Variants in GRXCR1 observed in about 807,000 individuals in gnomAD.
GRXCR1 encodes the protein glutaredoxin and cysteine rich domain containing 1.
GRXCR1 carries 27 observed loss-of-function variants against 27.3 expected under a neutral mutation model. The observed-to-expected ratio is 0.99, with a 90% CI of 0.73 to 1.37. The LOEUF is 1.37. GRXCR1 is among the 40% of genes most tolerant of loss of function. The pLI, the probability that GRXCR1 is intolerant of heterozygous loss-of-function variation, is 0.00. For missense variants in GRXCR1, 379 were observed against 354.4 expected, an observed-to-expected ratio of 1.07 and a Z score of -0.56; for synonymous variants, 122 against 131.1, an observed-to-expected ratio of 0.93 and a Z score of 0.47.
intron 1 of GRXCR1, among the ~76,000 whole-genome samples, chr4:42,937,523 C>A (rs1033603342): frequency 7.2e-5 from 11 of 151,882 alleles, no homozygotes; most frequent in African/African-American, 2.4e-4. Context: ...TGTGGGTATG[C>A]TATCCTGTGT....
chr4:42,921,364 C>T (rs1162191680), intron 1 of GRXCR1, among the ~76,000 whole-genome samples: 1 of 152,044 alleles, frequency 6.6e-6, no homozygotes, highest in Non-Finnish European at 1.5e-5. Context: ...TATAGCAGCC[C>T]AAGTGGTCTA....
intron 1 of GRXCR1, among the ~76,000 whole-genome samples, chr4:42,952,405 G>A (rs1399915549): frequency 6.6e-6 from 1 of 151,920 alleles, no homozygotes; most frequent in Non-Finnish European, 1.5e-5. Context: ...CCTCGTGAAG[G>A]GGCCTACACA....
intron 2 of GRXCR1, among the ~76,000 whole-genome samples, chr4:42,972,337 T>C (rs1324068065): frequency 2.0e-5 from 3 of 152,174 alleles, no homozygotes; most frequent in Non-Finnish European, 4.4e-5. Flanking sequence ...AAATCTTCTT[T>C]TATTGTTTTG....
Position 42,893,191 on chromosome 4 carries a change from G to A in GRXCR1, c.-76G>A. 6.5e-7 allele frequency: 1 copy of A among 1,541,394 alleles called. No homozygotes were observed. Among genetic ancestry groups the A allele is most frequent in the Non-Finnish European group, 9.0e-7 (1 of 1,115,934 alleles). On this transcript the variant is annotated 5_prime_UTR_variant, in exon 1 of 4. Transcript: ENST00000399770. Reference sequence around the variant, plus strand: ...CATCACTAGAATTGGCTCTGATATTGCTATCTGGCAAGTGGACTAGTGCAG... The same window carrying A: ...CATCACTAGAATTGGCTCTGATATTACTATCTGGCAAGTGGACTAGTGCAG...
chr4:42,932,862 T>C (rs1398352085), intron 1 of GRXCR1, among the ~76,000 whole-genome samples: 1 of 151,574 alleles, frequency 6.6e-6, no homozygotes, highest in Non-Finnish European at 1.5e-5. Context: ...TGGGAGAATG[T>C]ACTCCTCCAT....
chr4:42,968,541 A>G (rs1748302714), intron 2 of GRXCR1, among the ~76,000 whole-genome samples: 1 of 152,090 alleles, frequency 6.6e-6, no homozygotes, highest in Non-Finnish European at 1.5e-5. Context: ...TGCAAAATGT[A>G]CAGAAAAGTG....
intron 1 of GRXCR1, among the ~76,000 whole-genome samples, chr4:42,961,379 T>C (rs988337847): frequency 2.0e-5 from 3 of 151,944 alleles, no homozygotes; most frequent in Non-Finnish European, 4.4e-5. Flanking sequence ...GTCCACATGA[T>C]CTTTAAAAGC....
At chr4:42,988,173 T>A (rs1299310601) in intron 2 of GRXCR1, among the ~76,000 whole-genome samples, 1 of 152,228 alleles carries the variant, frequency 6.6e-6, no homozygotes, top group East Asian at 1.9e-4. Context: ...GCAATGATAC[T>A]TGCTGAGAAT....
chr4:43,019,077 A>G (rs1713020202), intron 2 of GRXCR1, among the ~76,000 whole-genome samples: 1 of 152,196 alleles, frequency 6.6e-6, no homozygotes, highest in South Asian at 2.1e-4. Flanking sequence ...AAATACTCCT[A>G]TACTATAGGA....
At chr4:42,964,549 A>C (rs917615969) in intron 2 of GRXCR1, among the ~76,000 whole-genome samples, 1 of 152,028 alleles carries the variant, frequency 6.6e-6, no homozygotes. Context: ...TGTTTTTAGG[A>C]AATATGAACA....
chr4:42,905,738 G>C (rs1197191377), intron 1 of GRXCR1, among the ~76,000 whole-genome samples: 4 of 152,136 alleles, frequency 2.6e-5, no homozygotes, highest in Non-Finnish European at 5.9e-5. Flanking sequence ...GAAAGGAAAA[G>C]AAAATTCCAG....
chr4:42,948,579 T>C (rs1236101539), intron 1 of GRXCR1, among the ~76,000 whole-genome samples: 1 of 152,154 alleles, frequency 6.6e-6, no homozygotes, highest in East Asian at 1.9e-4. Flanking sequence ...CTGTCTGTGA[T>C]AGGCTGCTGA....
At chr4:42,974,490 A>G (rs1044172479) in intron 2 of GRXCR1, among the ~76,000 whole-genome samples, 38 of 152,282 alleles carry the variant, frequency 2.5e-4, no homozygotes, top group African/African-American at 8.4e-4. Flanking sequence ...TATGATGAGC[A>G]AGGTCAGAGA....
chr4:42,973,741 A>T (rs887091676), intron 2 of GRXCR1, among the ~76,000 whole-genome samples: 29 of 152,286 alleles, frequency 1.9e-4, no homozygotes, highest in Admixed American at 1.2e-3. Context: ...ATGCAAGGAT[A>T]AACTCTTTTT....
chr4:43,008,462 A>C (rs878901416), intron 2 of GRXCR1, among the ~76,000 whole-genome samples: 1 of 152,244 alleles, frequency 6.6e-6, no homozygotes, highest in Non-Finnish European at 1.5e-5. Context: ...GGAAGTGTCT[A>C]TGAGGCACAA....
intron 1 of GRXCR1, among the ~76,000 whole-genome samples, chr4:42,946,769 C>A (rs1430864066): frequency 6.6e-6 from 1 of 152,110 alleles, no homozygotes; most frequent in Non-Finnish European, 1.5e-5. Flanking sequence ...TCAAAAGCCC[C>A]ATCTCTTAAT....
chr4:42,944,975 G>T (rs1025741388), intron 1 of GRXCR1, among the ~76,000 whole-genome samples: 1 of 152,070 alleles, frequency 6.6e-6, no homozygotes, highest in Non-Finnish European at 1.5e-5. Context: ...TTCATATATT[G>T]GAAAGTGTCT....
intron 2 of GRXCR1, among the ~76,000 whole-genome samples, chr4:43,007,391 T>C (rs188011475): frequency 6.6e-6 from 1 of 152,308 alleles, no homozygotes; most frequent in East Asian, 1.9e-4. Context: ...AGGGCCATGC[T>C]GTACAGGATC....
chr4:42,977,443 C>A (rs1038391956), intron 2 of GRXCR1, among the ~76,000 whole-genome samples: 2 of 151,904 alleles, frequency 1.3e-5, no homozygotes, highest in African/African-American at 4.8e-5. Context: ...CAATAATGTG[C>A]AAGTGTTCCT....
Sources: allele counts gnomAD v4.1 joint callset (sites outside exome capture counted in the v4.1 genomes callset), GRCh38; gene constraint gnomAD v4.1.1; transcripts MANE v1.5; gene names NCBI Gene and HGNC (gene_info 2026-07-23, HGNC 2026-07-21).